Variants in DLG2 observed in about 807,000 individuals in gnomAD.
The protein encoded by DLG2 is discs large MAGUK scaffold protein 2.
DLG2 carries 45 observed loss-of-function variants against 132.5 expected under a neutral mutation model. That is an observed-to-expected ratio of 0.34 (90% CI 0.27 to 0.44). The LOEUF (loss-of-function observed/expected upper bound fraction) is 0.44, where lower values mean the gene tolerates loss of function less well. Ranked by LOEUF, DLG2 falls within the 20% of genes least tolerant of loss-of-function variation. The pLI, the probability that DLG2 is intolerant of heterozygous loss-of-function variation, is 1.00. For synonymous variants in DLG2, 424 were observed against 419.6 expected, an observed-to-expected ratio of 1.01 and a Z score of -0.13; for missense variants, 1,045 against 1,196.9, an observed-to-expected ratio of 0.87 and a Z score of 1.87.
At chr11:84,537,949 T>C (rs1285241407) in intron 6 of DLG2, among the ~76,000 whole-genome samples, 1 of 152,230 alleles carries the variant, frequency 6.6e-6, no homozygotes, top group African/African-American at 2.4e-5. Flanking sequence ...ATCACATCAT[T>C]TGCTTGACAC....
chr11:84,258,249 T>A (rs1361430368), intron 7 of DLG2, among the ~76,000 whole-genome samples: 1 of 152,132 alleles, frequency 6.6e-6, no homozygotes, highest in African/African-American at 2.4e-5. Context: ...TAAAGACACA[T>A]CGATGGTTGT....
chr11:84,115,161 A>C (rs1371562755), intron 9 of DLG2, among the ~76,000 whole-genome samples: 1 of 152,166 alleles, frequency 6.6e-6, no homozygotes, highest in Non-Finnish European at 1.5e-5. Context: ...GTCATGTGTA[A>C]ATGTCAACGC....
At chr11:84,606,364 G>A (rs1332549149) in intron 6 of DLG2, among the ~76,000 whole-genome samples, 2 of 152,078 alleles carry the variant, frequency 1.3e-5, no homozygotes, top group South Asian at 2.1e-4. Flanking sequence ...TCACTGTTAT[G>A]CAAAATAAAC....
rs553276762 is a variant in DLG2 at position 84,074,591 on chromosome 11, T to G, written c.750-15107A>C. 8.6e-5 allele frequency among the ~76,000 whole-genome samples: 13 copies of G among 150,432 alleles called. No individual in the cohort carries two copies. In the East Asian group the frequency reaches 9.8e-4, roughly 11 times the overall value. On this transcript the variant is annotated intron_variant, in intron 10 of 27. Transcript: ENST00000376104. Reference sequence around the variant, plus strand: ...TCGCCCAGGCTGGAGTGCAGTGGCGTGATCTCGGCTCACTGCAACCTCCGC... The same window carrying G: ...TCGCCCAGGCTGGAGTGCAGTGGCGGGATCTCGGCTCACTGCAACCTCCGC...
At chr11:84,218,504 T>A (rs757252907) in intron 8 of DLG2, among the ~76,000 whole-genome samples, 2 of 152,092 alleles carry the variant, frequency 1.3e-5, no homozygotes, top group Non-Finnish European at 2.9e-5. Flanking sequence ...GGGTGATAGG[T>A]TCATGACATT....
chr11:85,601,718 C>T (rs190561808), intron 2 of DLG2, among the ~76,000 whole-genome samples: 2 of 152,150 alleles, frequency 1.3e-5, no homozygotes, highest in Admixed American at 6.5e-5. Flanking sequence ...TGACATGAGC[C>T]GTCTCCAGCA....
rs565614128 is a variant in DLG2, at chr11:84,187,834, G to A, written c.574-24323C>T. Reference sequence around the variant, plus strand: ...GGAATATTCCCTGGCTAATTTATCTGACTGCTTTAAACATAGGACTAAAAA... The same window carrying A: ...GGAATATTCCCTGGCTAATTTATCTAACTGCTTTAAACATAGGACTAAAAA... On this transcript the variant is annotated intron_variant, in intron 8 of 27. Transcript: ENST00000376104. Among the ~76,000 whole-genome samples the A allele has an allele frequency of 5.9e-5, 9 of 152,144 alleles. No individual in the cohort carries two copies. In the East Asian group the frequency reaches 1.5e-3, roughly 26 times the overall value.
chr11:85,276,874 T>G (rs2077922940), intron 4 of DLG2, among the ~76,000 whole-genome samples: 1 of 152,164 alleles, frequency 6.6e-6, no homozygotes, highest in African/African-American at 2.4e-5. Context: ...AGGTATGATC[T>G]AACAAGTGAA....
chr11:83,751,317 G>A (rs890126763), intron 18 of DLG2, among the ~76,000 whole-genome samples: 2 of 152,176 alleles, frequency 1.3e-5, no homozygotes, highest in African/African-American at 4.8e-5. Flanking sequence ...AGCTAGAAAC[G>A]AAGTCAGAGA....
At chr11:83,762,134 T>A (rs1262584289) in intron 18 of DLG2, among the ~76,000 whole-genome samples, 3 of 152,188 alleles carry the variant, frequency 2.0e-5, no homozygotes, top group African/African-American at 7.2e-5. Context: ...AAAAGAGAAA[T>A]TAATATTTTG....
rs1009797803 is a variant in DLG2 at position 83,906,065 on chromosome 11, C to G, written c.1496+24263G>C. Among the ~76,000 whole-genome samples, 10 of 103,154 alleles carry G rather than the reference C, an allele frequency of 9.7e-5. No homozygotes were observed. The South Asian group carries it at 1.2e-3, about 13-fold the overall frequency. 67.7% of individuals were successfully genotyped at this position (103,154 alleles called of 152,430 possible). On this transcript the variant is annotated intron_variant, in intron 15 of 27. Transcript: ENST00000376104. Reference sequence around the variant, plus strand: ...TGTCTGTCTGTCTGTCTCTCTCTCTCTCTCTCTCTCTCTCTCTATATATAT... The same window carrying G: ...TGTCTGTCTGTCTGTCTCTCTCTCTGTCTCTCTCTCTCTCTCTATATATAT...
intron 6 of DLG2, among the ~76,000 whole-genome samples, chr11:84,852,096 A>G (rs2082232022): frequency 6.6e-6 from 1 of 152,044 alleles, no homozygotes; most frequent in African/African-American, 2.4e-5. Flanking sequence ...CTTTTGGATC[A>G]ATGGGTGAGC....
chr11:83,689,971 T>TATATAATAATA (rs1555332752), intron 18 of DLG2, among the ~76,000 whole-genome samples: 2 of 137,740 alleles, frequency 1.5e-5, no homozygotes, highest in African/African-American at 5.8e-5. Flanking sequence ...AATATATATT[T>TATATAATAATA]ATATTATAAT....
At chr11:83,987,986 G>GT (rs555390863) in intron 11 of DLG2, among the ~76,000 whole-genome samples, 47 of 152,052 alleles carry the variant, frequency 3.1e-4, no homozygotes, top group Admixed American at 8.5e-4. Context: ...GGGGTTGTTT[G>GT]TTTTTTTCTT....
At chr11:83,592,808 A>C (rs1280731809) in intron 19 of DLG2, among the ~76,000 whole-genome samples, 1 of 149,438 alleles carries the variant, frequency 6.7e-6, no homozygotes, top group Non-Finnish European at 1.5e-5. Flanking sequence ...AAAAAAACAA[A>C]CAACCCCATC....
chr11:85,482,308 T>G (rs995529574), intron 3 of DLG2, among the ~76,000 whole-genome samples: 2 of 152,082 alleles, frequency 1.3e-5, no homozygotes, highest in African/African-American at 4.8e-5. Flanking sequence ...CCCACCCCAA[T>G]GCCAGCTTGG....
chr11:84,915,703 TAGAG>T (rs2092410048), intron 6 of DLG2, among the ~76,000 whole-genome samples: 1 of 152,226 alleles, frequency 6.6e-6, no homozygotes, highest in Admixed American at 6.5e-5. Context: ...AATTTTTCAT[TAGAG>T]AGGAAACTCT....
chr11:84,202,826 A>G (rs1207845630), intron 8 of DLG2, among the ~76,000 whole-genome samples: 1 of 152,236 alleles, frequency 6.6e-6, no homozygotes, highest in African/African-American at 2.4e-5. Context: ...ACTTCTCAAA[A>G]GAAGACATCA....
intron 3 of DLG2, among the ~76,000 whole-genome samples, chr11:85,296,144 G>T (rs2079190402): frequency 6.6e-6 from 1 of 152,132 alleles, no homozygotes; most frequent in Non-Finnish European, 1.5e-5. Context: ...CAGCAGAAGA[G>T]AAAAAGATGG....
Sources: gnomAD v4.1 joint callset for allele counts (sites outside exome capture counted in the v4.1 genomes callset) on GRCh38, gnomAD v4.1.1 for gene constraint, MANE v1.5 for transcripts, NCBI Gene and HGNC (gene_info 2026-07-23, HGNC 2026-07-21) for gene names.